CHST12: variants seen among roughly 807,000 people sequenced by gnomAD.
CHST12 encodes the protein carbohydrate sulfotransferase 12.
In CHST12, 23 loss-of-function variants were observed where a neutral mutation model predicts 27.9. The observed-to-expected ratio is 0.82, with a 90% confidence interval of 0.59 to 1.17. The LOEUF (loss-of-function observed/expected upper bound fraction) is 1.17. Among genes scored for constraint, CHST12 ranks in the 50% most tolerant of loss-of-function variants. The probability of loss-of-function intolerance (pLI) is 0.00; values close to 1 mark genes in which losing one functional copy is unlikely to be tolerated. For synonymous variants in CHST12, 322 were observed against 273.0 expected, an observed-to-expected ratio of 1.18 and a Z score of -1.77; for missense variants, 682 against 603.0, an observed-to-expected ratio of 1.13 and a Z score of -1.37.
chr7:2,433,828 G>C lies in CHST12; in HGVS notation c.1189G>C (p.Glu397Gln), dbSNP rs1004835880. 5 of 1,612,046 alleles carry C rather than the reference G, an allele frequency of 3.1e-6. No homozygotes were observed. Among genetic ancestry groups the C allele is most frequent in the East Asian group, 2.2e-5 (1 of 44,826 alleles). Residue 397 changes from glutamate to glutamine, a missense_variant, in exon 2 of 2, where the codon GAG becomes CAG. By Grantham distance (29) the Glu-to-Gln change is conservative. Transcript: ENST00000618655. This position sits in a 1 kb window ranked among gnomAD's most constrained non-coding sequence, Gnocchi z 6.1. The part of the protein sequence containing the change: ...AWRQQLYKLY[E>Q]ADFVLFGYPK... ...GAGGCAGCAGCTGTATAAACTCTAC[G>C]AGGCCGACTTTGTTCTCTTCGGCTA...
chr7:2,424,931 C>T (rs927147479), intron 1 of CHST12, among the ~76,000 whole-genome samples: 51 of 152,152 alleles, frequency 3.4e-4, no homozygotes, highest in Non-Finnish European at 6.0e-4. Context: ...CCAGGCCGGG[C>T]GTGGTGGCTC....
chr7:2,407,720 A>G (rs1032843030), intron 1 of CHST12, among the ~76,000 whole-genome samples: 2 of 152,030 alleles, frequency 1.3e-5, no homozygotes, highest in Non-Finnish European at 2.9e-5. Context: ...CACTGAGGTC[A>G]GGAGTTCGAG....
rs1021472672 is a variant in CHST12 at position 2,443,662 on chromosome 7, C to A, written c.*9778C>A. ...TAGCACACAGTCGGGACTCTGCAGC[C>A]GAGTTTGCCTCCTTGAATGCACACA... On this transcript the variant is annotated 3_prime_UTR_variant, in exon 2 of 2. Transcript: ENST00000618655. The A allele has an allele frequency of 6.6e-6, 1 of 152,132 alleles. No individual in the cohort carries two copies. The highest frequency in any genetic ancestry group is 2.4e-5 in the African/African-American group (1 of 41,444). The allele number at this position is 152,132 out of a possible 1,614,324, so 9.4% of individuals were successfully genotyped here. A position where few individuals can be genotyped will look rare whatever the true frequency, so the allele number is the denominator to read the frequency against.
rs1292614523 is a variant in CHST12, at chr7:2,446,868, C to G, written c.*12984C>G. ...CCGCTGATTCTCTGGCTCCAGCAAC[C>G]CCTCCAGGTGGATCCGTCCCACGCA... On this transcript the variant is annotated 3_prime_UTR_variant, in exon 2 of 2. Transcript: ENST00000618655. 6.6e-6 allele frequency: 1 copy of G among 152,422 alleles called. No homozygotes were observed. The highest frequency in any genetic ancestry group is 2.4e-5 in the African/African-American group (1 of 41,466). The allele number at this position is 152,422 out of a possible 1,614,324, so 9.4% of individuals were successfully genotyped here.
Position 2,441,788 on chromosome 7 carries a change from T to C in CHST12, c.*7904T>C, listed in dbSNP as rs1053035200. ...TCTCATAAGAAAAAAAAGAAAAAGG[T>C]TGACCTTGTAAGTATATTTTCTTGG... is the stretch of plus-strand genomic sequence containing the variant. On this transcript the variant is annotated 3_prime_UTR_variant, in exon 2 of 2. Transcript: ENST00000618655. 2.0e-5 allele frequency: 3 copies of C among 151,974 alleles called. No homozygotes were observed. Among genetic ancestry groups the C allele is most frequent in the African/African-American group, 4.8e-5 (2 of 41,386 alleles). 9.4% of individuals were successfully genotyped at this position (151,974 alleles called of 1,614,324 possible). A position where few individuals can be genotyped will look rare whatever the true frequency, so the allele number is the denominator to read the frequency against.
chr7:2,422,753 C>G (rs1184590494), intron 1 of CHST12, among the ~76,000 whole-genome samples: 9 of 151,772 alleles, frequency 5.9e-5, no homozygotes, highest in Non-Finnish European at 1.5e-5. Flanking sequence ...CCAGACTGGT[C>G]TCGATCTCTT....
chr7:2,431,679 C>T (rs1010683397), intron 1 of CHST12, among the ~76,000 whole-genome samples: 1 of 152,224 alleles, frequency 6.6e-6, no homozygotes, highest in Non-Finnish European at 1.5e-5. Context: ...CACCAACACC[C>T]CCTGGTGCCT....
At chr7:2,415,055 G>C (rs572093723) in intron 1 of CHST12, among the ~76,000 whole-genome samples, 1 of 152,066 alleles carries the variant, frequency 6.6e-6, no homozygotes, top group East Asian at 1.9e-4. Context: ...AAGTTTTTGC[G>C]TTTCCCAGTG....
chr7:2,423,276 AAAAAT>A (rs1371460992), intron 1 of CHST12, among the ~76,000 whole-genome samples: 1 of 152,068 alleles, frequency 6.6e-6, no homozygotes, highest in African/African-American at 2.4e-5. Context: ...CCATCTCAAA[AAAAAT>A]AAAAAAAAGT....
Position 2,434,142 on chromosome 7 carries a change from T to TCGCCCGCCCGCCCGCTCGCCCG in CHST12, c.*259_*260insGCCCGCCCGCCCGCTCGCCCGC. 1 of 298,430 alleles carries TCGCCCGCCCGCCCGCTCGCCCG rather than the reference T, an allele frequency of 3.4e-6. No homozygotes were observed. The highest frequency in any genetic ancestry group is 6.2e-6 in the Non-Finnish European group (1 of 160,478). The allele number at this position is 298,430 out of a possible 1,614,324, so 18.5% of individuals were successfully genotyped here. A position where few individuals can be genotyped will look rare whatever the true frequency, so the allele number is the denominator to read the frequency against. ...CCCGCCCGCTCGCCCGCTCGCCCGC[T>TCGCCCGCCCGCCCGCTCGCCCG]CCTGTGGTTTTTCTGAGCGTGCGGG... On this transcript the variant is annotated 3_prime_UTR_variant, in exon 2 of 2. Transcript: ENST00000618655.
At chr7:2,425,645 A>G (rs1016083130) in intron 1 of CHST12, among the ~76,000 whole-genome samples, 10 of 150,450 alleles carry the variant, frequency 6.6e-5, no homozygotes, top group Non-Finnish European at 1.3e-4. Context: ...GGGGGCCCAC[A>G]TCTGCAGATG....
chr7:2,419,155 T>TC (rs1781894202), intron 1 of CHST12, among the ~76,000 whole-genome samples: 1 of 152,162 alleles, frequency 6.6e-6, no homozygotes, highest in Non-Finnish European at 1.5e-5. Flanking sequence ...ATGCCTGTAT[T>TC]CCCATCACTT....
intron 1 of CHST12, among the ~76,000 whole-genome samples, chr7:2,408,547 G>T (rs74529428): frequency 0.014 from 2,193 of 152,280 alleles, 26 homozygotes; most frequent in Non-Finnish European, 0.023. Context: ...AAAATGAAAA[G>T]AAGCAGAAGG....
intron 1 of CHST12, among the ~76,000 whole-genome samples, chr7:2,427,259 G>A (rs1420892958): frequency 2.0e-5 from 3 of 151,232 alleles, no homozygotes; most frequent in Non-Finnish European, 4.4e-5. Flanking sequence ...AGCACTTTGC[G>A]AGGCCGAGGT....
At chr7:2,426,428 A>G (rs538368165) in intron 1 of CHST12, among the ~76,000 whole-genome samples, 1 of 152,232 alleles carries the variant, frequency 6.6e-6, no homozygotes, top group Non-Finnish European at 1.5e-5. Context: ...ACACACCCCA[A>G]ATAAGCACAC....
chr7:2,422,935 C>G (rs1411214552), intron 1 of CHST12, among the ~76,000 whole-genome samples: 1 of 150,952 alleles, frequency 6.6e-6, no homozygotes, highest in Admixed American at 6.6e-5. Flanking sequence ...GTTACACATC[C>G]TCGAGAGGGG....
intron 1 of CHST12, among the ~76,000 whole-genome samples, chr7:2,416,659 C>T (rs1781816288): frequency 1.3e-5 from 2 of 152,122 alleles, no homozygotes; most frequent in African/African-American, 4.8e-5. Flanking sequence ...GAAAGAAACA[C>T]AAGTCATTGT....
chr7:2,410,828 C>T (rs898613161), intron 1 of CHST12, among the ~76,000 whole-genome samples: 5 of 151,958 alleles, frequency 3.3e-5, no homozygotes, highest in Admixed American at 6.6e-5. Flanking sequence ...GAGTCCTGGT[C>T]ACGGGCCATC....
intron 1 of CHST12, 90 bp downstream of exon 1, chr7:2,403,763 G>C (rs1781447283): frequency 6.6e-6 from 1 of 152,262 alleles, no homozygotes; most frequent in Non-Finnish European, 1.5e-5. Context: ...GGGGGTCCCG[G>C]GCCGCGCTGA....
Sources: allele counts gnomAD v4.1 joint callset (sites outside exome capture counted in the v4.1 genomes callset), GRCh38; gene constraint gnomAD v4.1.1; non-coding constraint Gnocchi (gnomAD v3.1); transcripts MANE v1.5; gene names NCBI Gene and HGNC (gene_info 2026-07-23, HGNC 2026-07-21).